Variants in RANBP2 observed in about 807,000 individuals in gnomAD.
The protein encoded by RANBP2 is RAN binding protein 2.
A neutral mutation model predicts 303.6 loss-of-function variants in RANBP2; 57 were observed. That is an observed-to-expected ratio of 0.19 (90% CI 0.15 to 0.23). RANBP2 has a LOEUF of 0.23. RANBP2 is among the 10% of genes least tolerant of loss of function. The pLI is 1.00. For missense variants in RANBP2, 3,138 were observed against 3,780.8 expected (o/e 0.83, Z 4.46); for synonymous variants, 1,167 against 1,301.5 (o/e 0.90, Z 2.23).
chr2:108,955,720 T>C, the RANBP2 span, among the ~76,000 whole-genome samples: 1 of 143,006 alleles, frequency 7.0e-6, no homozygotes, highest in African/African-American at 2.6e-5. Flanking sequence ...AATAAATAAA[T>C]ACAATAACAT....
the RANBP2 span, among the ~76,000 whole-genome samples, chr2:109,521,561 A>G: frequency 6.6e-6 from 1 of 152,234 alleles, no homozygotes; most frequent in Non-Finnish European, 1.5e-5. Context: ...CACTCAGTGC[A>G]TGCTCGCGGT....
rs145613412 is a variant in RANBP2 at position 108,784,210 on chromosome 2, G to A, written c.*309G>A. 509 of 236,336 alleles carry A rather than the reference G, an allele frequency of 2.2e-3. 4 individuals carry two copies. Among genetic ancestry groups the A allele is most frequent in the African/African-American group, 0.011 (489 of 44,160 alleles). The allele number at this position is 236,336 out of a possible 1,614,324, so 14.6% of individuals were successfully genotyped here. On this transcript the variant is annotated 3_prime_UTR_variant, in exon 29 of 29. Transcript: ENST00000283195. ...AAACTATTGAAGGAATATGATATAT[G>A]CAATTTAATTTTAATTCCTTTTAAG... is the stretch of plus-strand genomic sequence containing the variant.
At chr2:109,018,857 T>C in the RANBP2 span, among the ~76,000 whole-genome samples, 2 of 152,256 alleles carry the variant, frequency 1.3e-5, no homozygotes, top group African/African-American at 2.4e-5. Flanking sequence ...ATTACATTTC[T>C]TTCCCAGTAA....
the RANBP2 span, among the ~76,000 whole-genome samples, chr2:109,721,932 A>G: frequency 6.6e-6 from 1 of 152,224 alleles, no homozygotes; most frequent in African/African-American, 2.4e-5. Flanking sequence ...CTTGTCCTCA[A>G]GAATCCTGTG....
At chr2:109,021,322 G>C in the RANBP2 span, among the ~76,000 whole-genome samples, 1 of 152,108 alleles carries the variant, frequency 6.6e-6, no homozygotes, top group Non-Finnish European at 1.5e-5. Context: ...AGGAGATCGA[G>C]ACCATCCTGG....
the RANBP2 span, among the ~76,000 whole-genome samples, chr2:109,430,819 T>G: frequency 1.3e-5 from 2 of 152,240 alleles, no homozygotes; most frequent in South Asian, 4.1e-4. Context: ...TTGGTCCTAA[T>G]TTCACTGTCA....
chr2:108,751,596 C>T lies in RANBP2; in HGVS notation c.1524C>T (p.Ser508=). 1 of 1,610,986 alleles carries T rather than the reference C, an allele frequency of 6.2e-7. No homozygotes were observed. Among genetic ancestry groups the T allele is most frequent in the Non-Finnish European group, 8.5e-7 (1 of 1,179,222 alleles). Residue 508 remains serine, a synonymous_variant, in exon 11 of 29, where the codon AGC becomes AGT. Transcript: ENST00000283195. The part of the protein sequence containing the change: ...QLKEKCNSHH[S]SYQPLCLPLP... Reference sequence around the variant, plus strand: ...AGGAGAAATGTAATTCTCACCACAGCTCCTATCAGCCGTTATGCCTGCCCC... The same window carrying T: ...AGGAGAAATGTAATTCTCACCACAGTTCCTATCAGCCGTTATGCCTGCCCC...
chr2:109,242,667 T>C, the RANBP2 span, among the ~76,000 whole-genome samples: 1 of 152,166 alleles, frequency 6.6e-6, no homozygotes, highest in African/African-American at 2.4e-5. Context: ...ATTAATCCAA[T>C]GGCTGCTTGG....
At chr2:108,982,287 G>C in the RANBP2 span, among the ~76,000 whole-genome samples, 1 of 152,264 alleles carries the variant, frequency 6.6e-6, no homozygotes, top group Non-Finnish European at 1.5e-5. Context: ...CACTGGGAGA[G>C]CTGTTTACAG....
At chr2:109,455,950 G>A in the RANBP2 span, among the ~76,000 whole-genome samples, 1 of 152,226 alleles carries the variant, frequency 6.6e-6, no homozygotes, top group African/African-American at 2.4e-5. Flanking sequence ...ACCTCACCCA[G>A]AACTGATTCA....
intron 6 of RANBP2, among the ~76,000 whole-genome samples, chr2:108,737,718 T>C (rs1031988965): frequency 3.2e-4 from 48 of 149,048 alleles, no homozygotes; most frequent in African/African-American, 1.2e-3. Context: ...CTGGCTAATT[T>C]TTTTTTTTTT....
chr2:108,747,735 T>C (rs1018390291), intron 8 of RANBP2, among the ~76,000 whole-genome samples: 4 of 152,204 alleles, frequency 2.6e-5, no homozygotes, highest in African/African-American at 9.6e-5. Flanking sequence ...AACTGTGTAG[T>C]GGTAACCAAA....
At chr2:108,965,498 T>C in the RANBP2 span, among the ~76,000 whole-genome samples, 1 of 151,820 alleles carries the variant, frequency 6.6e-6, no homozygotes, top group East Asian at 1.9e-4. Context: ...ATGACCCAGT[T>C]GTTCCCAGAT....
chr2:109,577,722 G>C, the RANBP2 span, among the ~76,000 whole-genome samples: 2 of 151,856 alleles, frequency 1.3e-5, no homozygotes, highest in African/African-American at 4.8e-5. Context: ...AAATCAGCCT[G>C]GCCAACATGG....
the RANBP2 span, among the ~76,000 whole-genome samples, chr2:109,367,391 C>G: frequency 6.6e-6 from 1 of 152,174 alleles, no homozygotes; most frequent in African/African-American, 2.4e-5. Flanking sequence ...AAGCAATTCT[C>G]CTGCCTCAGC....
chr2:109,383,331 A>C, the RANBP2 span, among the ~76,000 whole-genome samples: 5 of 152,166 alleles, frequency 3.3e-5, no homozygotes, highest in African/African-American at 1.2e-4. Context: ...GGGACCCCAA[A>C]CATCTTTATT....
the RANBP2 span, among the ~76,000 whole-genome samples, chr2:108,936,668 G>A: frequency 2.0e-5 from 3 of 152,268 alleles, no homozygotes; most frequent in Non-Finnish European, 2.9e-5. Context: ...TAGGGAGCCC[G>A]CAAGGTCACC....
At chr2:109,760,675 C>A in the RANBP2 span, among the ~76,000 whole-genome samples, 15 of 145,122 alleles carry the variant, frequency 1.0e-4, no homozygotes, top group African/African-American at 3.5e-4. Context: ...CGAGCTTCGG[C>A]GGCGGCGGCG....
the RANBP2 span, among the ~76,000 whole-genome samples, chr2:109,519,597 T>C: frequency 0.028 from 4,245 of 152,274 alleles, 217 homozygotes; most frequent in African/African-American, 0.096. Flanking sequence ...CAGGGTCAGT[T>C]GTGACTTGAA....
Sources: allele counts gnomAD v4.1 joint callset (sites outside exome capture counted in the v4.1 genomes callset), GRCh38; gene constraint gnomAD v4.1.1; transcripts MANE v1.5; gene names NCBI Gene and HGNC (gene_info 2026-07-23, HGNC 2026-07-21).